GCSAML: variants seen among roughly 807,000 people sequenced by gnomAD.
The protein encoded by GCSAML is germinal center-associated signaling and motility-like protein.
A neutral mutation model predicts 13.0 loss-of-function variants in GCSAML; 9 were observed. The ratio of observed to expected loss-of-function variants is 0.69; its 90% CI spans 0.42 to 1.21. The LOEUF is 1.21. GCSAML is among the 50% of genes most tolerant of loss of function. The pLI, the probability that GCSAML is intolerant of heterozygous loss-of-function variation, is 0.00. For missense variants in GCSAML, 143 were observed against 153.4 expected, an observed-to-expected ratio of 0.93 and a Z score of 0.36; for synonymous variants, 37 against 52.9, an observed-to-expected ratio of 0.70 and a Z score of 1.31.
chr1:247,573,781 G>A (rs922785519), intron 4 of GCSAML, among the ~76,000 whole-genome samples: 2 of 152,222 alleles, frequency 1.3e-5, no homozygotes, highest in East Asian at 3.8e-4. Flanking sequence ...ACTTTGGGCA[G>A]TATTTCCATT....
At chr1:247,515,081 C>T (rs1666166962) in intron 1 of GCSAML, among the ~76,000 whole-genome samples, 1 of 152,120 alleles carries the variant, frequency 6.6e-6, no homozygotes, top group Admixed American at 6.5e-5. Flanking sequence ...ATTAATTGTA[C>T]CCATCCATGA....
intron 1 of GCSAML, among the ~76,000 whole-genome samples, chr1:247,510,362 C>T (rs1373586300): frequency 6.6e-6 from 1 of 151,708 alleles, no homozygotes; most frequent in African/African-American, 2.4e-5. Flanking sequence ...CCTCCTTTAT[C>T]ATTTTTTATT....
At chr1:247,512,912 T>C (rs1017834754) in intron 1 of GCSAML, among the ~76,000 whole-genome samples, 10 of 152,148 alleles carry the variant, frequency 6.6e-5, no homozygotes, top group African/African-American at 2.2e-4. Context: ...ACCCACCAGA[T>C]GCAGCTGGGG....
In GCSAML at chr1:247,561,022, C is replaced by T. The variant is rs138064662; in HGVS notation, c.90-2568C>T. On this transcript the variant is annotated intron_variant, in intron 2 of 4. Coordinates refer to ENST00000366488, the MANE Select transcript of GCSAML (RefSeq NM_145278.5). ...GGGCTGGAGTACAATGGCGTGATCT[C>T]GGCTCACTGCAACCTCCGCCTCCTG... Among the ~76,000 whole-genome samples the T allele has an allele frequency of 3.4e-3, 519 of 152,128 alleles. 2 individuals carry two copies. Among genetic ancestry groups the T allele is most frequent in the Non-Finnish European group, 5.1e-3 (349 of 68,008 alleles).
Position 247,570,660 on chromosome 1 carries a change from C to T in GCSAML, c.169-3483C>T, listed in dbSNP as rs115639183. Among the ~76,000 whole-genome samples, 1,472 of 152,024 alleles carry T rather than the reference C, an allele frequency of 9.7e-3. 24 individuals are homozygous for T. Among genetic ancestry groups the T allele is most frequent in the African/African-American group, 0.032 (1,348 of 41,486 alleles). ...GTTGATTTTAGGATAAGTGCTATTT[C>T]GTGCTGAGAAGAATATATATTTTGT... On this transcript the variant is annotated intron_variant, in intron 4 of 4. Transcript: ENST00000366488.
intron 2 of GCSAML, among the ~76,000 whole-genome samples, chr1:247,543,431 T>A (rs1450073897): frequency 5.9e-5 from 9 of 152,186 alleles, no homozygotes; most frequent in Non-Finnish European, 8.8e-5. Context: ...AATTAAACTT[T>A]ATCATAAGTA....
chr1:247,551,569 A>C (rs1667778442), intron 1 of GCSAML, among the ~76,000 whole-genome samples: 1 of 152,222 alleles, frequency 6.6e-6, no homozygotes, highest in African/African-American at 2.4e-5. Context: ...ATAGACAATA[A>C]GCTCTTAAAA....
At chr1:247,548,808 C>T (rs552256800), upstream of GCSAML, among the ~76,000 whole-genome samples, 5 of 152,276 alleles carry the variant, frequency 3.3e-5, no homozygotes, top group East Asian at 7.7e-4. The surrounding 1 kb of genome is among the most constrained non-coding windows in gnomAD (Gnocchi z 5.3). Context: ...ATGCTCACTT[C>T]GGAGGAATAG....
intron 1 of GCSAML, among the ~76,000 whole-genome samples, chr1:247,552,548 G>A (rs910752243): frequency 2.6e-5 from 4 of 152,154 alleles, no homozygotes; most frequent in African/African-American, 7.2e-5. Context: ...TGTAGACATC[G>A]CCCATGGGCA....
chr1:247,522,223 A>G (rs183179729), intron 1 of GCSAML, among the ~76,000 whole-genome samples: 19,713 of 105,152 alleles, frequency 0.19, 2,097 homozygotes, highest in East Asian at 0.53. Context: ...GCCCCCGCCC[A>G]GCCAGCCGCC....
intron 1 of GCSAML, 38 bp from the exon 2 acceptor site, chr1:247,556,369 G>A: frequency 6.7e-7 from 1 of 1,485,358 alleles, no homozygotes; most frequent in Non-Finnish European, 9.4e-7. Flanking sequence ...GTGGAGGGCA[G>A]TAACAATCTC....
At chr1:247,540,656 T>C (rs553267137) in intron 2 of GCSAML, among the ~76,000 whole-genome samples, 1 of 152,286 alleles carries the variant, frequency 6.6e-6, no homozygotes, top group East Asian at 1.9e-4. Context: ...ATGTATGAAC[T>C]GAAGGTGGGG....
rs896965158 is a variant in GCSAML at position 247,538,385 on chromosome 1, G to A, written c.-147-10660G>A. 2.6e-5 allele frequency among the ~76,000 whole-genome samples: 4 copies of A among 152,114 alleles called. No individual in the cohort carries two copies. The East Asian group carries it at 7.7e-4, about 29-fold the overall frequency. On this transcript the variant is annotated intron_variant, in intron 2 of 5. Coordinates refer to the GCSAML transcript ENST00000366489. ...ACTCTCTGAATTATATTCCTGGCCA[G>A]CACCTCTATGCCAAACTTCAGATTC...
intron 1 of GCSAML, among the ~76,000 whole-genome samples, chr1:247,555,840 G>C (rs1052934553): frequency 1.3e-5 from 2 of 152,170 alleles, no homozygotes; most frequent in Non-Finnish European, 2.9e-5. Context: ...TTTAGTGTTT[G>C]CCTGATTATC....
chr1:247,525,325 TG>T (rs1436269474), intron 1 of GCSAML: 1 of 152,240 alleles, frequency 6.6e-6, no homozygotes, highest in East Asian at 1.9e-4. Flanking sequence ...CCAGGTCTGC[TG>T]GGTGAGGGCT....
intron 4 of GCSAML, among the ~76,000 whole-genome samples, chr1:247,571,356 T>C (rs998370780): frequency 6.6e-6 from 1 of 152,214 alleles, no homozygotes; most frequent in African/African-American, 2.4e-5. Context: ...CCTTTGTATA[T>C]TTAGTGCTTC....
In GCSAML at chr1:247,534,511, A is replaced by G. The variant is rs80282588; in HGVS notation, c.-148+7457A>G. Among the ~76,000 whole-genome samples, 567 of 152,310 alleles carry G rather than the reference A, an allele frequency of 3.7e-3. 8 individuals carry two copies. The highest frequency in any genetic ancestry group is 0.013 in the African/African-American group (551 of 41,562). ...TCTGCTTTTGTACAGTTGGAATAAA[A>G]CGAGCACGATTTAGCAGGGGCAGTG... On this transcript the variant is annotated intron_variant, in intron 2 of 5. Coordinates refer to the GCSAML transcript ENST00000366489.
rs886733505 is a variant in GCSAML at position 247,576,064 on chromosome 1, G to A, written c.*1682G>A. 1 of 152,144 alleles carries A rather than the reference G, an allele frequency of 6.6e-6. No individual in the cohort carries two copies. Among genetic ancestry groups the A allele is most frequent in the African/African-American group, 2.4e-5 (1 of 41,432 alleles). 9.4% of individuals were successfully genotyped at this position (152,144 alleles called of 1,614,324 possible). A position where few individuals can be genotyped will look rare whatever the true frequency, so the allele number is the denominator to read the frequency against. ...TTTGGAATATTTCCATACATATAAT[G>A]AGAGAGTTGGAAAATGGGATTCAAG... is the stretch of plus-strand genomic sequence containing the variant. On this transcript the variant is annotated 3_prime_UTR_variant, in exon 5 of 5. Coordinates refer to ENST00000366488, the MANE Select transcript of GCSAML (RefSeq NM_145278.5).
chr1:247,532,222 C>T (rs537726655), intron 2 of GCSAML: 3 of 1,614,148 alleles, frequency 1.9e-6, no homozygotes, highest in African/African-American at 2.7e-5. Flanking sequence ...GACCACACAC[C>T]CTCCATAGCT....
Sources: gnomAD v4.1 joint callset for allele counts (sites outside exome capture counted in the v4.1 genomes callset) on GRCh38, gnomAD v4.1.1 for gene constraint, Gnocchi (gnomAD v3.1) non-coding constraint, MANE v1.5 for transcripts, NCBI Gene and HGNC (gene_info 2026-07-23, HGNC 2026-07-21) for gene names.